DOK6: variants seen among roughly 807,000 people sequenced by gnomAD.
The protein encoded by DOK6 is docking protein 6.
Under a neutral mutation model 44.0 loss-of-function variants are expected in DOK6, and 22 were observed. The ratio of observed to expected loss-of-function variants is 0.50; its 90% CI spans 0.36 to 0.71. The LOEUF is 0.71. DOK6 is among the 30% of genes least tolerant of loss of function. The probability of loss-of-function intolerance (pLI) is 0.00; values close to 1 mark genes in which losing one functional copy is unlikely to be tolerated. For missense variants in DOK6, 340 were observed against 416.4 expected, an observed-to-expected ratio of 0.82 and a Z score of 1.60; for synonymous variants, 166 against 145.5, an observed-to-expected ratio of 1.14 and a Z score of -1.01.
rs58925573 is a variant in DOK6, at chr18:69,551,165, G to A, written c.67-13322G>A. On this transcript the variant is annotated intron_variant, in intron 1 of 7. Transcript: ENST00000382713. Reference sequence around the variant, plus strand: ...CTTTTATAAAGATATAGTGATAAGTGTATGGACACCAAATGATTCCTTTGA... The same window carrying A: ...CTTTTATAAAGATATAGTGATAAGTATATGGACACCAAATGATTCCTTTGA... Among the ~76,000 whole-genome samples, 351 of 152,310 alleles carry A rather than the reference G, an allele frequency of 2.3e-3. 2 individuals carry two copies. Among genetic ancestry groups the A allele is most frequent in the African/African-American group, 8.1e-3 (337 of 41,572 alleles).
intron 7 of DOK6, among the ~76,000 whole-genome samples, chr18:69,802,322 C>T (rs935498760): frequency 1.3e-5 from 2 of 152,140 alleles, no homozygotes; most frequent in Non-Finnish European, 2.9e-5. Context: ...CACATGCATT[C>T]GGTACGCTCC....
At chr18:69,680,854 T>TA (rs1293142523) in intron 4 of DOK6, among the ~76,000 whole-genome samples, 7 of 152,358 alleles carry the variant, frequency 4.6e-5, no homozygotes, top group African/African-American at 1.7e-4. Context: ...TTATTTTACT[T>TA]AAATGTGTAG....
chr18:69,837,499 G>T (rs1599353120), intron 7 of DOK6, among the ~76,000 whole-genome samples: 1 of 151,500 alleles, frequency 6.6e-6, no homozygotes, highest in East Asian at 2.0e-4. Context: ...ACAAACTTTG[G>T]AGGACAAATG....
At chr18:69,642,194 G>A (rs1324767122) in intron 3 of DOK6, among the ~76,000 whole-genome samples, 1 of 152,058 alleles carries the variant, frequency 6.6e-6, no homozygotes, top group African/African-American at 2.4e-5. Context: ...ATATATTTCA[G>A]CATCTCTTCT....
intron 1 of DOK6, among the ~76,000 whole-genome samples, chr18:69,505,602 A>G (rs1387848798): frequency 6.8e-6 from 1 of 147,124 alleles, no homozygotes; most frequent in African/African-American, 2.5e-5. Flanking sequence ...GGTTCAAGCG[A>G]TTCTCCTGCC....
At chr18:69,515,690 T>C (rs947921303) in intron 1 of DOK6, among the ~76,000 whole-genome samples, 1 of 152,212 alleles carries the variant, frequency 6.6e-6, no homozygotes, top group Non-Finnish European at 1.5e-5. Context: ...AAGTGAAAGA[T>C]ATATGGTTCC....
At chr18:69,668,922 T>C (rs1041556128) in intron 3 of DOK6, among the ~76,000 whole-genome samples, 10 of 152,190 alleles carry the variant, frequency 6.6e-5, no homozygotes, top group African/African-American at 2.4e-4. Flanking sequence ...AATATTGCCC[T>C]TTTTCTGTCA....
intron 6 of DOK6, among the ~76,000 whole-genome samples, chr18:69,747,476 CTTCATAAAA>C (rs1482869097): frequency 6.6e-6 from 1 of 152,070 alleles, no homozygotes; most frequent in Non-Finnish European, 1.5e-5. Flanking sequence ...TTGCCAATAC[CTTCATAAAA>C]TTCCCAACAT....
intron 5 of DOK6, among the ~76,000 whole-genome samples, chr18:69,725,273 G>A (rs929309865): frequency 6.6e-6 from 1 of 152,154 alleles, no homozygotes; most frequent in Non-Finnish European, 1.5e-5. Context: ...TGGCTGGGCA[G>A]AGCGCCTTGC....
chr18:69,485,125 G>T (rs1980536734), intron 1 of DOK6, among the ~76,000 whole-genome samples: 2 of 152,108 alleles, frequency 1.3e-5, no homozygotes. Flanking sequence ...CTTCACAGTA[G>T]ATCGTTTGCA....
intron 1 of DOK6, among the ~76,000 whole-genome samples, chr18:69,481,248 A>T (rs1980412122): frequency 6.6e-6 from 1 of 151,956 alleles, no homozygotes; most frequent in African/African-American, 2.4e-5. Flanking sequence ...TTATACTTTA[A>T]GTTCTAGGGT....
In DOK6 at chr18:69,847,079, A is replaced by T. The variant is rs886323252; in HGVS notation, c.*5696A>T. ...TATTAATATTTGAAGGGGAGAGGAA[A>T]AATACATTTGTAGTAGAAATATTCC... On this transcript the variant is annotated 3_prime_UTR_variant, in exon 8 of 8. Transcript: ENST00000382713. 2.0e-5 allele frequency: 3 copies of T among 152,156 alleles called. No individual in the cohort carries two copies. The highest frequency in any genetic ancestry group is 6.5e-5 in the Admixed American group (1 of 15,276). 9.4% of individuals were successfully genotyped at this position (152,156 alleles called of 1,614,324 possible).
chr18:69,491,912 T>C (rs1980745986), intron 1 of DOK6, among the ~76,000 whole-genome samples: 1 of 152,194 alleles, frequency 6.6e-6, no homozygotes, highest in Non-Finnish European at 1.5e-5. Context: ...ACATTACCGC[T>C]GAGTAAATGG....
intron 7 of DOK6, among the ~76,000 whole-genome samples, chr18:69,825,547 C>T (rs1315097361): frequency 2.0e-5 from 3 of 150,378 alleles, no homozygotes; most frequent in Non-Finnish European, 4.4e-5. Flanking sequence ...TATTCTCCTG[C>T]CTCAGTCTCC....
chr18:69,680,785 C>T (rs1986027101), intron 4 of DOK6, among the ~76,000 whole-genome samples: 1 of 152,216 alleles, frequency 6.6e-6, no homozygotes, highest in South Asian at 2.1e-4. Flanking sequence ...CATCCGTCAA[C>T]TTGGACCCTC....
chr18:69,670,497 A>C lies in DOK6; in HGVS notation c.290-7237A>C, dbSNP rs1178076220. The stretch of plus-strand genomic sequence containing the variant: ...TATTGTATTCTTGAGAAACCTAAAA[A>C]ACTTGTGCATCAATTTTTTTTTTTT... On this transcript the variant is annotated intron_variant, in intron 3 of 7. Transcript: ENST00000382713. Among the ~76,000 whole-genome samples the C allele has an allele frequency of 2.5e-4, 36 of 145,052 alleles. No individual in the cohort carries two copies. In the Admixed American group the frequency reaches 2.7e-3, roughly 11 times the overall value.
At chr18:69,471,042 G>A (rs927148680) in intron 1 of DOK6, among the ~76,000 whole-genome samples, 3 of 151,838 alleles carry the variant, frequency 2.0e-5, no homozygotes, top group Non-Finnish European at 2.9e-5. Flanking sequence ...CTGAGGTCGG[G>A]AGTTTGAGAC....
At chr18:69,561,402 C>T (rs1289130724) in intron 1 of DOK6, among the ~76,000 whole-genome samples, 1 of 152,062 alleles carries the variant, frequency 6.6e-6, no homozygotes, top group African/African-American at 2.4e-5. Flanking sequence ...TTCTACAGCA[C>T]TAAATAAATC....
chr18:69,674,964 CTT>C (rs1483250684), intron 3 of DOK6, among the ~76,000 whole-genome samples: 7 of 152,096 alleles, frequency 4.6e-5, no homozygotes, highest in Non-Finnish European at 4.4e-5. Flanking sequence ...CTCTCTCTCT[CTT>C]TGAAATAGTT....
Sources: allele counts gnomAD v4.1 joint callset (sites outside exome capture counted in the v4.1 genomes callset), GRCh38; gene constraint gnomAD v4.1.1; transcripts MANE v1.5; gene names NCBI Gene and HGNC (gene_info 2026-07-23, HGNC 2026-07-21).